Variants in PAIP1 observed in about 807,000 individuals in gnomAD.
PAIP1 encodes poly(A) binding protein interacting protein 1.
PAIP1 carries 16 observed loss-of-function variants against 61.3 expected under a neutral mutation model. The ratio of observed to expected loss-of-function variants is 0.26; its 90% CI spans 0.18 to 0.40. The LOEUF (loss-of-function observed/expected upper bound fraction) is 0.40, where lower values mean the gene tolerates loss of function less well. PAIP1 is among the 10% of genes least tolerant of loss of function. PAIP1 has a pLI of 1.00. For synonymous variants in PAIP1, 187 were observed against 226.2 expected (o/e 0.83, Z 1.56); for missense variants, 416 against 600.9 (o/e 0.69, Z 3.22).
chr5:43,541,777 A>C (rs1475592945), intron 4 of PAIP1, among the ~76,000 whole-genome samples: 1 of 150,736 alleles, frequency 6.6e-6, no homozygotes, highest in Non-Finnish European at 1.5e-5. Flanking sequence ...TCTCTAAATT[A>C]GCTTATAAAT....
intron 10 of PAIP1, among the ~76,000 whole-genome samples, chr5:43,529,164 T>G (rs939651492): frequency 6.7e-6 from 1 of 149,766 alleles, no homozygotes; most frequent in African/African-American, 2.4e-5. Flanking sequence ...GTACTACTAT[T>G]CTTATTTTAT....
At chr5:43,548,986 G>T (rs1747751763) in intron 2 of PAIP1, among the ~76,000 whole-genome samples, 1 of 152,168 alleles carries the variant, frequency 6.6e-6, no homozygotes, top group African/African-American at 2.4e-5. Flanking sequence ...TGTCGCCCAG[G>T]CTGGAGTGCA....
chr5:43,530,423 T>G (rs1255766229), intron 9 of PAIP1, among the ~76,000 whole-genome samples: 1 of 152,202 alleles, frequency 6.6e-6, no homozygotes, highest in African/African-American at 2.4e-5. Context: ...CCAATTGTCT[T>G]AGGAAGAGTT....
chr5:43,554,613 A>G (rs1260635117), intron 2 of PAIP1, among the ~76,000 whole-genome samples: 1 of 152,212 alleles, frequency 6.6e-6, no homozygotes, highest in Non-Finnish European at 1.5e-5. Flanking sequence ...GTGTGTCATT[A>G]TCAGTTATAA....
chr5:43,556,899 T>G lies in PAIP1; in HGVS notation c.-53A>C. ...GGGGCCGCTGCCGCTGCGCTCGCGA[T>G]AGGACGCGGGGGGAAGGCGCCGCGG... On this transcript the variant is annotated 5_prime_UTR_variant, in exon 1 of 11. Transcript: ENST00000306846. The G allele has an allele frequency of 1.5e-6, 2 of 1,343,004 alleles. No homozygotes were observed. The highest frequency in any genetic ancestry group is 9.5e-7 in the Non-Finnish European group (1 of 1,050,138). 83.2% of individuals were successfully genotyped at this position (1,343,004 alleles called of 1,614,324 possible).
intron 2 of PAIP1, among the ~76,000 whole-genome samples, chr5:43,554,602 GGT>G (rs1733057339): frequency 6.6e-6 from 1 of 151,984 alleles, no homozygotes; most frequent in Non-Finnish European, 1.5e-5. Flanking sequence ...TAATAAAAAA[GGT>G]GTGTCATTAT....
chr5:43,546,342 G>A (rs1007534878), intron 3 of PAIP1, among the ~76,000 whole-genome samples: 2 of 152,196 alleles, frequency 1.3e-5, no homozygotes, highest in African/African-American at 2.4e-5. Flanking sequence ...AGCCAGAAAG[G>A]CAACAAGAAA....
intron 9 of PAIP1, among the ~76,000 whole-genome samples, chr5:43,531,013 C>T (rs951433927): frequency 6.6e-6 from 1 of 151,962 alleles, no homozygotes; most frequent in Non-Finnish European, 1.5e-5. Context: ...AAAGGTGAAT[C>T]AGGAAAAAAG....
At chr5:43,528,202 A>G (rs1746782474) in intron 10 of PAIP1, among the ~76,000 whole-genome samples, 1 of 152,172 alleles carries the variant, frequency 6.6e-6, no homozygotes, top group Admixed American at 6.5e-5. Context: ...ATGGAAAATA[A>G]AGAGATTCTG....
chr5:43,538,448 T>C (rs1747245207), intron 5 of PAIP1, among the ~76,000 whole-genome samples: 1 of 152,188 alleles, frequency 6.6e-6, no homozygotes, highest in South Asian at 2.1e-4. Flanking sequence ...ACCATAAAGA[T>C]ATAATTTTTG....
intron 9 of PAIP1, among the ~76,000 whole-genome samples, chr5:43,531,401 G>T (rs188450528): frequency 9.0e-6 from 1 of 110,896 alleles, no homozygotes; most frequent in Admixed American, 8.5e-5. Context: ...AACTTCAAAT[G>T]GTTTAAGAAA....
In PAIP1 at chr5:43,537,986, T is replaced by C. The variant is rs547829685; in HGVS notation, c.846+938A>G. Among the ~76,000 whole-genome samples, 5 of 106,958 alleles carry C rather than the reference T, an allele frequency of 4.7e-5. No homozygotes were observed. The South Asian group carries it at 1.6e-3, about 34-fold the overall frequency. The allele number at this position is 106,958 out of a possible 152,430, so 70.2% of individuals were successfully genotyped here. ...TCCAGCCTGGGTGACAGAGCGAGACTGTCCCCACCCAAAAAAAAAAAAAAA... is the reference window on the plus strand; with the variant it reads ...TCCAGCCTGGGTGACAGAGCGAGACCGTCCCCACCCAAAAAAAAAAAAAAA... On this transcript the variant is annotated intron_variant, in intron 5 of 10. Transcript: ENST00000306846.
At chr5:43,552,061 T>C (rs763338493) in intron 2 of PAIP1, among the ~76,000 whole-genome samples, 1 of 152,106 alleles carries the variant, frequency 6.6e-6, no homozygotes, top group Admixed American at 6.6e-5. Context: ...CTATGGGAGA[T>C]TGGGAGAAAT....
chr5:43,529,951 G>A, intron 9 of PAIP1, 72 bp from the exon 10 acceptor site: 1 of 756,152 alleles, frequency 1.3e-6, no homozygotes, highest in South Asian at 1.4e-5. Context: ...ACCCCTAAAT[G>A]TTTTTTAATA....
chr5:43,556,590 G>A lies in PAIP1; in HGVS notation c.257C>T (p.Ala86Val). 19 of 1,251,938 alleles carry A rather than the reference G, an allele frequency of 1.5e-5. No homozygotes were observed. Among genetic ancestry groups the A allele is most frequent in the Non-Finnish European group, 1.8e-5 (18 of 993,874 alleles). The allele number at this position is 1,251,938 out of a possible 1,614,324, so 77.6% of individuals were successfully genotyped here. A position where few individuals can be genotyped will look rare whatever the true frequency, so the allele number is the denominator to read the frequency against. ...ASPQRPSRPG[A>V]LPEQTRPLRA... ...TTAGAGCTGCTCCGTACCTGGGAGC[G>A]CCCCGGGCCGGGAAGGCCGCTGGGG... The change falls in exon 1 of 11, where the codon GCG (alanine) becomes GTG (valine). Residue 86 changes from alanine (A) to valine (V), a missense_variant. Physicochemically the swap from Ala to Val is moderately conservative, Grantham distance 64 (BLOSUM62 0). Coordinates refer to ENST00000306846, the MANE Select transcript of PAIP1 (RefSeq NM_006451.5).
At chr5:43,528,989 A>ATAGG (rs1746821995) in intron 10 of PAIP1, among the ~76,000 whole-genome samples, 1 of 152,184 alleles carries the variant, frequency 6.6e-6, no homozygotes, top group South Asian at 2.1e-4. Context: ...TCCTATAATT[A>ATAGG]ACATCTTCTT....
intron 3 of PAIP1, among the ~76,000 whole-genome samples, chr5:43,546,016 A>ACC (rs1200504447): frequency 6.6e-6 from 1 of 151,554 alleles, no homozygotes; most frequent in African/African-American, 2.4e-5. Context: ...CAGGTGATCC[A>ACC]CCCGCCTCGG....
chr5:43,530,506 A>G (rs1463334406), intron 9 of PAIP1, among the ~76,000 whole-genome samples: 1 of 152,246 alleles, frequency 6.6e-6, no homozygotes, highest in Non-Finnish European at 1.5e-5. Context: ...ATCAGTATAT[A>G]TTAAGACTAG....
In PAIP1 at chr5:43,526,614, TAAA is replaced by T. The variant is rs1746719515; in HGVS notation, c.*759_*761del. ...ACAAATATCTAGTAAAATTCTCTAGTAAAAAAGTCGATGCAACCCATGCTACAA... is the reference window on the plus strand; with the variant it reads ...ACAAATATCTAGTAAAATTCTCTAGTAAAGTCGATGCAACCCATGCTACAA... On this transcript the variant is annotated 3_prime_UTR_variant, in exon 11 of 11. Coordinates refer to ENST00000306846, the MANE Select transcript of PAIP1 (RefSeq NM_006451.5). 6.9e-6 allele frequency: 1 copy of T among 143,962 alleles called. No homozygotes were observed. The highest frequency in any genetic ancestry group is 2.3e-4 in the South Asian group (1 of 4,428). The allele number at this position is 143,962 out of a possible 1,614,324, so 8.9% of individuals were successfully genotyped here. A position where few individuals can be genotyped will look rare whatever the true frequency, so the allele number is the denominator to read the frequency against.
Sources: gnomAD v4.1 joint callset for allele counts (sites outside exome capture counted in the v4.1 genomes callset) on GRCh38, gnomAD v4.1.1 for gene constraint, MANE v1.5 for transcripts, NCBI Gene and HGNC (gene_info 2026-07-23, HGNC 2026-07-21) for gene names.